LRRC28: variants seen among roughly 807,000 people sequenced by gnomAD.
LRRC28 encodes leucine-rich repeat-containing protein 28.
In LRRC28, 39 loss-of-function variants were observed where a neutral mutation model predicts 45.7. That is an observed-to-expected ratio of 0.85 (90% confidence interval 0.66 to 1.12). LRRC28 has a LOEUF of 1.12. LRRC28 is among the 50% of genes most tolerant of loss of function. The pLI, the probability that LRRC28 is intolerant of heterozygous loss-of-function variation, is 0.00. For synonymous variants in LRRC28, 206 were observed against 178.8 expected (o/e 1.15, Z -1.22); for missense variants, 435 against 438.5 (o/e 0.99, Z 0.07).
intron 5 of LRRC28, among the ~76,000 whole-genome samples, chr15:99,299,847 G>A (rs1234858214): frequency 6.6e-6 from 1 of 152,050 alleles, no homozygotes; most frequent in Non-Finnish European, 1.5e-5. Context: ...TGTATTTTTT[G>A]TAGGTAGTAG....
intron 3 of LRRC28, chr15:99,285,424 T>C: frequency 1.3e-6 from 1 of 767,138 alleles, no homozygotes; most frequent in Non-Finnish European, 2.4e-6. Context: ...CCTGGCGTGC[T>C]TGGTGTTGGG....
Position 99,256,143 on chromosome 15 carries a change from A to G in LRRC28, c.168+18A>G. The G allele has an allele frequency of 1.9e-6, 3 of 1,576,440 alleles. No individual in the cohort carries two copies. The highest frequency in any genetic ancestry group is 2.6e-6 in the Non-Finnish European group (3 of 1,164,256). On this transcript the variant is annotated intron_variant, in intron 2 of 9. Transcript: ENST00000301981. Reference sequence around the variant, plus strand: ...CATCCTTGGTACAGTATTATATTACACTACTGAAAAATTATTTATACATGT... The same window carrying G: ...CATCCTTGGTACAGTATTATATTACGCTACTGAAAAATTATTTATACATGT...
At chr15:99,347,273 T>G (rs565690991) in intron 6 of LRRC28, among the ~76,000 whole-genome samples, 15 of 152,000 alleles carry the variant, frequency 9.9e-5, no homozygotes, top group South Asian at 6.2e-4. Context: ...GCAGTGGTGC[T>G]ATCTCGGCTC....
In LRRC28 at chr15:99,276,605, C is replaced by T. The variant is rs766841222; in HGVS notation, c.198C>T (p.Asn66=). 2.0e-6 allele frequency: 3 copies of T among 1,524,922 alleles called. No individual in the cohort carries two copies. The highest frequency in any genetic ancestry group is 2.6e-6 in the Non-Finnish European group (3 of 1,143,030). 94.5% of individuals were successfully genotyped at this position (1,524,922 alleles called of 1,614,324 possible). ...AAAACCTTGCTCAGAAGCTTCCAAACCTTGTGGAACTGTGAGTCTGTTTAT... is the reference window on the plus strand; with the variant it reads ...AAAACCTTGCTCAGAAGCTTCCAAATCTTGTGGAACTGTGAGTCTGTTTAT... ...LPENLAQKLP[N]LVELYLHSNN... Residue 66 remains asparagine, a synonymous_variant, in exon 3 of 10, where the codon AAC becomes AAT. Transcript: ENST00000301981.
intron 6 of LRRC28, among the ~76,000 whole-genome samples, chr15:99,339,664 G>T (rs1024967801): frequency 3.3e-5 from 5 of 151,768 alleles, no homozygotes; most frequent in African/African-American, 1.2e-4. Flanking sequence ...CCGGGAGGTT[G>T]CAGTGAGCCG....
At chr15:99,315,129 C>T (rs1017377825) in intron 5 of LRRC28, among the ~76,000 whole-genome samples, 4 of 152,026 alleles carry the variant, frequency 2.6e-5, no homozygotes, top group African/African-American at 9.7e-5. Flanking sequence ...TACCATTAAA[C>T]AAGGAATCAT....
chr15:99,379,285 A>G (rs947534291), intron 9 of LRRC28, among the ~76,000 whole-genome samples: 2 of 152,146 alleles, frequency 1.3e-5, no homozygotes, highest in African/African-American at 4.8e-5. Context: ...TGTGTCCAGG[A>G]ATTTATCCAT....
intron 9 of LRRC28, among the ~76,000 whole-genome samples, chr15:99,371,864 A>G (rs1217598265): frequency 6.6e-6 from 1 of 152,128 alleles, no homozygotes; most frequent in Non-Finnish European, 1.5e-5. Flanking sequence ...TTCTGCTTTG[A>G]CCCCACCACC....
At chr15:99,273,261 G>A (rs549259530) in intron 2 of LRRC28, among the ~76,000 whole-genome samples, 1 of 151,972 alleles carries the variant, frequency 6.6e-6, no homozygotes, top group African/African-American at 2.4e-5. Flanking sequence ...TTTTGAGATG[G>A]AGTCTCACTC....
intron 6 of LRRC28, among the ~76,000 whole-genome samples, chr15:99,337,289 G>C (rs1261210109): frequency 6.6e-6 from 1 of 152,244 alleles, no homozygotes. Flanking sequence ...TGTAATGTTT[G>C]GGGTCCTGGG....
intron 9 of LRRC28, among the ~76,000 whole-genome samples, chr15:99,365,658 T>C (rs1315458556): frequency 2.6e-5 from 4 of 152,240 alleles, no homozygotes; most frequent in Non-Finnish European, 5.9e-5. Context: ...GTTGTTTGCA[T>C]TGCTTGTCAT....
intron 1 of LRRC28, among the ~76,000 whole-genome samples, chr15:99,255,310 T>C (rs966431338): frequency 6.6e-6 from 1 of 151,690 alleles, no homozygotes; most frequent in African/African-American, 2.4e-5. Context: ...TGAGCTATGA[T>C]TGAGTCACTG....
At chr15:99,363,878 A>G (rs1435268811) in intron 9 of LRRC28, among the ~76,000 whole-genome samples, 1 of 152,158 alleles carries the variant, frequency 6.6e-6, no homozygotes, top group African/African-American at 2.4e-5. Context: ...CACTTGCACA[A>G]CCTTAGTTTA....
At chr15:99,376,918 C>T (rs1957656174) in intron 9 of LRRC28, among the ~76,000 whole-genome samples, 1 of 152,112 alleles carries the variant, frequency 6.6e-6, no homozygotes, top group Non-Finnish European at 1.5e-5. Flanking sequence ...TGTATATGTG[C>T]CACATTTTCT....
At chr15:99,288,176 A>G (rs1170033891) in intron 5 of LRRC28, among the ~76,000 whole-genome samples, 9 of 152,206 alleles carry the variant, frequency 5.9e-5, no homozygotes, top group African/African-American at 1.4e-4. Flanking sequence ...AATTACTACA[A>G]TTGTGCATTG....
At chr15:99,305,383 C>T (rs1955145922) in intron 5 of LRRC28, among the ~76,000 whole-genome samples, 1 of 152,130 alleles carries the variant, frequency 6.6e-6, no homozygotes, top group Non-Finnish European at 1.5e-5. Flanking sequence ...TATTTAAATA[C>T]ATAAATTATC....
At chr15:99,255,086 G>A (rs1054466976) in intron 1 of LRRC28, among the ~76,000 whole-genome samples, 4 of 152,186 alleles carry the variant, frequency 2.6e-5, no homozygotes, top group Non-Finnish European at 4.4e-5. Flanking sequence ...GCGAGGCATC[G>A]TGGCTCATGA....
chr15:99,390,574 C>G lies in LRRC28; in HGVS notation c.*4472C>G, dbSNP rs1217255933. 1 of 152,186 alleles carries G rather than the reference C, an allele frequency of 6.6e-6. No individual in the cohort carries two copies. Among genetic ancestry groups the G allele is most frequent in the African/African-American group, 2.4e-5 (1 of 41,454 alleles). 9.4% of individuals were successfully genotyped at this position (152,186 alleles called of 1,614,324 possible). On this transcript the variant is annotated 3_prime_UTR_variant, in exon 10 of 10. Transcript: ENST00000301981. ...GCCTCTGAAAAATTATGGCAACATTCATTTGGAGTGTGGCTAAAAACTCAT... is the reference window on the plus strand; with the variant it reads ...GCCTCTGAAAAATTATGGCAACATTGATTTGGAGTGTGGCTAAAAACTCAT...
At chr15:99,284,737 AC>A in intron 3 of LRRC28, 2 of 522,540 alleles carry the variant, frequency 3.8e-6, no homozygotes, top group Non-Finnish European at 7.6e-6. Context: ...AGCTTCTGCC[AC>A]CATTGTCCTC....
Sources: gnomAD v4.1 joint callset for allele counts (sites outside exome capture counted in the v4.1 genomes callset) on GRCh38, gnomAD v4.1.1 for gene constraint, MANE v1.5 for transcripts, NCBI Gene and HGNC (gene_info 2026-07-23, HGNC 2026-07-21) for gene names.